The following DMRT1 variants were observed in gnomAD, a reference collection of about 807,000 sequenced individuals.
The protein encoded by DMRT1 is doublesex and mab-3 related transcription factor 1, also known as doublesex- and mab-3-related transcription factor 1.
Under a neutral mutation model 32.3 loss-of-function variants are expected in DMRT1, and 7 were observed. The ratio of observed to expected loss-of-function variants is 0.22; its 90% CI spans 0.12 to 0.41. The LOEUF (loss-of-function observed/expected upper bound fraction) is 0.41, where lower values mean the gene tolerates loss of function less well. DMRT1 is among the 10% of genes least tolerant of loss of function. DMRT1 has a pLI of 1.00. For synonymous variants in DMRT1, 278 were observed against 206.1 expected (o/e 1.35, Z -2.99); for missense variants, 625 against 500.5 (o/e 1.25, Z -2.37).
chr9:917,468 C>T (rs1564249876), intron 4 of DMRT1, among the ~76,000 whole-genome samples: 1 of 152,190 alleles, frequency 6.6e-6, no homozygotes, highest in Non-Finnish European at 1.5e-5. Flanking sequence ...AACTCGACTT[C>T]AATTTTAACA....
At chr9:891,572 T>A (rs1240881662) in intron 2 of DMRT1, among the ~76,000 whole-genome samples, 1 of 150,442 alleles carries the variant, frequency 6.6e-6, no homozygotes, top group East Asian at 2.0e-4. Context: ...TGGAGTGCAG[T>A]GGCCCAATAT....
intron 4 of DMRT1, among the ~76,000 whole-genome samples, chr9:923,134 G>A (rs1244002426): frequency 6.6e-6 from 1 of 152,146 alleles, no homozygotes; most frequent in Non-Finnish European, 1.5e-5. Flanking sequence ...CTCAGGGAGT[G>A]GACTTGCTTA....
intron 4 of DMRT1, among the ~76,000 whole-genome samples, chr9:942,656 A>T (rs1294781429): frequency 6.6e-6 from 1 of 152,190 alleles, no homozygotes; most frequent in Non-Finnish European, 1.5e-5. Context: ...TTCTGGAGGT[A>T]CATCTCAAGT....
At chr9:945,282 T>C (rs1442225469) in intron 4 of DMRT1, among the ~76,000 whole-genome samples, 1 of 152,104 alleles carries the variant, frequency 6.6e-6, no homozygotes, top group Non-Finnish European at 1.5e-5. Flanking sequence ...GCCTTTTGAG[T>C]AGCTGGGATT....
intron 4 of DMRT1, among the ~76,000 whole-genome samples, chr9:921,601 C>T (rs534055773): frequency 1.3e-5 from 2 of 152,312 alleles, no homozygotes; most frequent in Admixed American, 6.5e-5. Context: ...GTTTTATATT[C>T]TTACCATAGT....
At chr9:871,602 A>AAGT (rs1816263445) in intron 2 of DMRT1, among the ~76,000 whole-genome samples, 1 of 142,150 alleles carries the variant, frequency 7.0e-6, no homozygotes, top group Non-Finnish European at 1.5e-5. Flanking sequence ...CTGCCTCCCA[A>AAGT]AGTGCTGGGA....
intron 3 of DMRT1, among the ~76,000 whole-genome samples, chr9:910,361 A>G (rs889103944): frequency 6.6e-6 from 1 of 152,090 alleles, no homozygotes; most frequent in Non-Finnish European, 1.5e-5. Context: ...CATCAACTCC[A>G]GTTTTATGCA....
At chr9:865,571 G>A (rs981478679) in intron 2 of DMRT1, among the ~76,000 whole-genome samples, 8 of 152,168 alleles carry the variant, frequency 5.3e-5, no homozygotes, top group African/African-American at 1.9e-4. Flanking sequence ...AGGAGCAGAT[G>A]AATGAGCCCG....
chr9:869,408 C>T (rs989996815), intron 2 of DMRT1, among the ~76,000 whole-genome samples: 8 of 152,188 alleles, frequency 5.3e-5, no homozygotes, highest in East Asian at 1.9e-4. Flanking sequence ...AGCTGTTCTC[C>T]GTAGGAATTA....
Position 968,065 on chromosome 9 carries a change from G to C in DMRT1, c.1048G>C (p.Ala350Pro). ...TCCTATTAGTAACAAGAGCACAAAG[G>C]CAGTGCTTGAATGTGAGCCTGCGTC... ...SSPISNKSTK[A>P]VLECEPASEP... Residue 350 changes from alanine to proline, a missense_variant, in exon 5 of 5, where the codon GCA becomes CCA. By Grantham distance (27) the Ala-to-Pro change is conservative. Coordinates refer to ENST00000382276, the MANE Select transcript of DMRT1 (RefSeq NM_021951.3). 6.2e-7 allele frequency: 1 copy of C among 1,614,098 alleles called. No homozygotes were observed. Among genetic ancestry groups the C allele is most frequent in the Non-Finnish European group, 8.5e-7 (1 of 1,180,034 alleles).
rs142886509 is a variant in DMRT1, at chr9:850,298, C to T, written c.538+3155C>T. Among the ~76,000 whole-genome samples the T allele has an allele frequency of 1.5e-3, 230 of 152,258 alleles. 1 individual carries two copies. Among genetic ancestry groups the T allele is most frequent in the Middle Eastern group, 6.8e-3 (2 of 294 alleles). On this transcript the variant is annotated intron_variant, in intron 2 of 4. Transcript: ENST00000382276. ...GAATTAAACTACGTAAATATAGAGACAGAAAGATGGAGTGTGGGAGAGTGG... is the reference window on the plus strand; with the variant it reads ...GAATTAAACTACGTAAATATAGAGATAGAAAGATGGAGTGTGGGAGAGTGG...
At chr9:875,557 G>T (rs1554748833) in intron 2 of DMRT1, among the ~76,000 whole-genome samples, 2 of 152,202 alleles carry the variant, frequency 1.3e-5, no homozygotes, top group Non-Finnish European at 2.9e-5. Flanking sequence ...TCTGTACAAT[G>T]AAGATCACCA....
At position 928,632 on chromosome 9, in the gene DMRT1, A is replaced by C. The variant is rs148615710; in HGVS notation, c.967+11725A>C. 3.7e-3 allele frequency among the ~76,000 whole-genome samples: 570 copies of C among 152,262 alleles called. 2 individuals are homozygous for C. Among genetic ancestry groups the C allele is most frequent in the Non-Finnish European group, 6.7e-3 (457 of 68,018 alleles). ...GGCTTTGACTCTTGGAGAACCAGAG[A>C]CTATACCCAAATCAGCCCAGTAGTT... On this transcript the variant is annotated intron_variant, in intron 4 of 4. Coordinates refer to ENST00000382276, the MANE Select transcript of DMRT1 (RefSeq NM_021951.3).
intron 2 of DMRT1, among the ~76,000 whole-genome samples, chr9:872,413 A>G (rs982241419): frequency 6.6e-6 from 1 of 152,182 alleles, no homozygotes; most frequent in Non-Finnish European, 1.5e-5. Context: ...TTGGGTAAAC[A>G]TCACCACTAT....
chr9:953,501 C>T lies in DMRT1; in HGVS notation c.968-14484C>T, dbSNP rs539120925. On this transcript the variant is annotated intron_variant, in intron 4 of 4. Transcript: ENST00000382276. ...TCTTGCAGTTGTCAAAGGCCTCTGC[C>T]CCCCCGACCTTTGATGACAGGAAAG... Among the ~76,000 whole-genome samples the T allele has an allele frequency of 3.3e-5, 5 of 152,230 alleles. No homozygotes were observed. The South Asian group carries it at 8.3e-4, about 25-fold the overall frequency.
At chr9:845,415 T>C (rs530797360) in intron 1 of DMRT1, among the ~76,000 whole-genome samples, 9 of 151,210 alleles carry the variant, frequency 6.0e-5, no homozygotes, top group African/African-American at 7.3e-5. Context: ...ACCATATTGG[T>C]CAGGCTGGTC....
chr9:881,977 C>A (rs145261727), intron 2 of DMRT1, among the ~76,000 whole-genome samples: 3 of 152,338 alleles, frequency 2.0e-5, no homozygotes, highest in Non-Finnish European at 4.4e-5. Flanking sequence ...GTGAGACAGG[C>A]TTTCATGGCC....
At position 893,913 on chromosome 9, in the gene DMRT1, G is replaced by C. The variant is rs370578283; in HGVS notation, c.540G>C (p.Glu180Asp). The C allele has an allele frequency of 1.4e-5, 22 of 1,613,688 alleles. No homozygotes were observed. Among genetic ancestry groups the C allele is most frequent in the Non-Finnish European group, 1.9e-5 (22 of 1,179,886 alleles). The change falls in exon 3 of 5, where the codon GAG becomes GAC. Residue 180 changes from glutamate (E) to aspartate (D), a missense_variant and splice_region_variant. By Grantham distance (45) the Glu-to-Asp change is conservative. This residue lies in a region of DMRT1 where 416 missense variants were observed against 321.6 expected (regional missense o/e 1.29). Transcript: ENST00000382276. ...PASVPTTAAS[E>D]GRMVIQDIPA... Reference sequence around the variant, plus strand: ...TTTTTCTTTTTTCTTCCAATTTAGAGGGACGTATGGTCATCCAGGATATTC... The same window carrying C: ...TTTTTCTTTTTTCTTCCAATTTAGACGGACGTATGGTCATCCAGGATATTC...
intron 3 of DMRT1, among the ~76,000 whole-genome samples, chr9:907,466 A>G (rs1817818132): frequency 6.6e-6 from 1 of 152,058 alleles, no homozygotes; most frequent in Non-Finnish European, 1.5e-5. Flanking sequence ...CAAACCAACC[A>G]CCCCACTCTC....
Sources: gnomAD v4.1 joint callset for allele counts (sites outside exome capture counted in the v4.1 genomes callset) on GRCh38, gnomAD v4.1.1 for gene constraint, gnomAD v4.1.1 regional missense constraint, MANE v1.5 for transcripts, NCBI Gene and HGNC (gene_info 2026-07-23, HGNC 2026-07-21) for gene names.